MAGI2: variants seen among roughly 807,000 people sequenced by gnomAD.
MAGI2 encodes membrane associated guanylate kinase, WW and PDZ domain containing 2, also known as membrane-associated guanylate kinase, WW and PDZ domain-containing protein 2.
A neutral mutation model predicts 133.3 loss-of-function variants in MAGI2; 35 were observed. That is an observed-to-expected ratio of 0.26 (90% CI 0.20 to 0.35). The LOEUF (loss-of-function observed/expected upper bound fraction) is 0.35. Among genes scored for constraint, MAGI2 ranks in the 10% least tolerant of loss-of-function variants. The pLI is 1.00. For synonymous variants in MAGI2, 729 were observed against 710.6 expected (o/e 1.03, Z -0.41); for missense variants, 1,636 against 1,863.4 (o/e 0.88, Z 2.25).
At chr7:78,555,567 C>T (rs991100732) in intron 3 of MAGI2, among the ~76,000 whole-genome samples, 1 of 152,134 alleles carries the variant, frequency 6.6e-6, no homozygotes, top group Admixed American at 6.5e-5. Context: ...TTAAGCACAA[C>T]TATGGCAATG....
chr7:78,851,234 A>G (rs943191898), intron 2 of MAGI2, among the ~76,000 whole-genome samples: 1 of 133,612 alleles, frequency 7.5e-6, no homozygotes, highest in Admixed American at 7.6e-5. Context: ...TGCCACCTTC[A>G]ATTTTCTCAT....
intron 2 of MAGI2, among the ~76,000 whole-genome samples, chr7:78,643,080 C>G (rs1480148311): frequency 1.3e-5 from 2 of 152,164 alleles, no homozygotes; most frequent in Non-Finnish European, 2.9e-5. Context: ...CTGATTTGAT[C>G]ATTACACATT....
chr7:78,394,570 A>G (rs1796177324), intron 6 of MAGI2, among the ~76,000 whole-genome samples: 1 of 152,038 alleles, frequency 6.6e-6, no homozygotes, highest in African/African-American at 2.4e-5. Context: ...TCTCTCCTCT[A>G]CAGTTCAGCT....
chr7:78,806,274 T>C (rs1429324096), intron 2 of MAGI2, among the ~76,000 whole-genome samples: 1 of 152,156 alleles, frequency 6.6e-6, no homozygotes, highest in African/African-American at 2.4e-5. Context: ...AGCTTCTTCA[T>C]AGATAAAATG....
intron 1 of MAGI2, among the ~76,000 whole-genome samples, chr7:79,129,536 G>A (rs1316859676): frequency 6.6e-6 from 1 of 152,168 alleles, no homozygotes; most frequent in Non-Finnish European, 1.5e-5. Flanking sequence ...AGAGTAACCT[G>A]TCATGAATTG....
intron 10 of MAGI2, among the ~76,000 whole-genome samples, chr7:78,224,074 C>T (rs961353524): frequency 6.6e-6 from 1 of 152,248 alleles, no homozygotes. Context: ...GTAACGCTTT[C>T]TCATTCTCAA....
chr7:78,017,316 C>T lies in MAGI2; in HGVS notation c.*1999G>A, dbSNP rs200341869. 6.3e-4 allele frequency: 97 copies of T among 152,776 alleles called. No individual in the cohort carries two copies. The East Asian group carries it at 7.3e-3, about 12-fold the overall frequency. The allele number at this position is 152,776 out of a possible 1,614,324, so 9.5% of individuals were successfully genotyped here. ...GGATTTAGATGATGTGCTGTCTTCA[C>T]AGGTTATGGATTACAGCCGCATAAA... On this transcript the variant is annotated 3_prime_UTR_variant, in exon 22 of 22. Coordinates refer to ENST00000354212, the MANE Select transcript of MAGI2 (RefSeq NM_012301.4).
At chr7:78,788,693 C>T (rs1827034274) in intron 2 of MAGI2, among the ~76,000 whole-genome samples, 1 of 152,036 alleles carries the variant, frequency 6.6e-6, no homozygotes, top group Non-Finnish European at 1.5e-5. Context: ...TACTACACCT[C>T]ACCCTTTTTT....
rs764768993 is a variant in MAGI2 at position 78,135,049 on chromosome 7, A to G, written c.3003T>C (p.Ser1001=). Residue 1001 remains serine (S), a synonymous_variant, in exon 17 of 22, where the codon AGT becomes AGC. Transcript: ENST00000354212. ...IVKLIKDAGL[S]VTLRIIPQEE... is the part of the protein sequence containing the mutation. The stretch of plus-strand genomic sequence containing the variant: ...CCTGAGGAATGATGCGAAGGGTGAC[A>G]CTAAGACCTGCATCCTTGATGAGCT... 76 of 1,614,148 alleles carry G rather than the reference A, an allele frequency of 4.7e-5. No individual in the cohort carries two copies. The South Asian group carries it at 5.3e-4, about 11-fold the overall frequency.
chr7:78,611,044 G>T (rs1806382198), intron 3 of MAGI2, among the ~76,000 whole-genome samples: 1 of 152,162 alleles, frequency 6.6e-6, no homozygotes, highest in South Asian at 2.1e-4. Context: ...TGTAAAAATG[G>T]TTAACATAAT....
At chr7:78,145,160 T>G (rs924064208) in intron 16 of MAGI2, among the ~76,000 whole-genome samples, 28 of 152,262 alleles carry the variant, frequency 1.8e-4, no homozygotes, top group African/African-American at 6.5e-4. Flanking sequence ...TGTATGAAAC[T>G]CCTAGACTGA....
At chr7:78,967,760 C>G (rs1382578931) in intron 2 of MAGI2, among the ~76,000 whole-genome samples, 1 of 151,932 alleles carries the variant, frequency 6.6e-6, no homozygotes, top group African/African-American at 2.4e-5. Context: ...TTATTATATA[C>G]GCATGGCTTA....
intron 1 of MAGI2, among the ~76,000 whole-genome samples, chr7:79,253,029 T>G (rs1230608029): frequency 6.6e-6 from 1 of 152,160 alleles, no homozygotes; most frequent in African/African-American, 2.4e-5. Flanking sequence ...ATTCATAAAA[T>G]AAAAGGCATT....
intron 2 of MAGI2, among the ~76,000 whole-genome samples, chr7:78,919,382 T>C (rs1307186760): frequency 6.6e-6 from 1 of 152,222 alleles, no homozygotes; most frequent in African/African-American, 2.4e-5. Context: ...ATAGATTATA[T>C]ATAATTTAAT....
chr7:79,445,975 A>G (rs1015250805), intron 1 of MAGI2, among the ~76,000 whole-genome samples: 3 of 152,242 alleles, frequency 2.0e-5, no homozygotes, highest in Non-Finnish European at 2.9e-5. Context: ...ACCATGGAAT[A>G]CTATGCAGCC....
intron 1 of MAGI2, among the ~76,000 whole-genome samples, chr7:79,392,939 C>T (rs1015576057): frequency 8.5e-5 from 13 of 152,120 alleles, no homozygotes; most frequent in African/African-American, 1.7e-4. Context: ...TTAACACTCA[C>T]GTATTTTACT....
chr7:78,555,362 C>G (rs1213824760), intron 3 of MAGI2, among the ~76,000 whole-genome samples: 6 of 151,952 alleles, frequency 3.9e-5, no homozygotes, highest in Admixed American at 6.6e-5. Flanking sequence ...TTAGTACAAA[C>G]AGGCCCAAGT....
At chr7:79,287,068 A>T (rs10953826) in intron 1 of MAGI2, among the ~76,000 whole-genome samples, 93,695 of 151,854 alleles carry the variant, frequency 0.62, 30,222 homozygotes, top group Non-Finnish European at 0.7. Flanking sequence ...ATGGTGCAGG[A>T]GTTTCCTATC....
intron 10 of MAGI2, among the ~76,000 whole-genome samples, chr7:78,247,787 T>C (rs751323090): frequency 2.0e-5 from 3 of 151,696 alleles, no homozygotes; most frequent in Non-Finnish European, 4.4e-5. Flanking sequence ...CCCAAAACAA[T>C]AAAAAAGTGA....
Sources: gnomAD v4.1 joint callset for allele counts (sites outside exome capture counted in the v4.1 genomes callset) on GRCh38, gnomAD v4.1.1 for gene constraint, MANE v1.5 for transcripts, NCBI Gene and HGNC (gene_info 2026-07-23, HGNC 2026-07-21) for gene names.